The following TRIT1 variants were observed in gnomAD, a reference collection of about 807,000 sequenced individuals.
TRIT1 encodes the protein tRNA dimethylallyltransferase.
In TRIT1, 43 loss-of-function variants were observed where a neutral mutation model predicts 51.2. That is an observed-to-expected ratio of 0.84 (90% CI 0.66 to 1.08). The LOEUF is 1.08. TRIT1 is among the 50% of genes least tolerant of loss of function. The probability of loss-of-function intolerance (pLI) is 0.00; values close to 1 mark genes in which losing one functional copy is unlikely to be tolerated. For missense variants in TRIT1, 528 were observed against 578.4 expected (o/e 0.91, Z 0.89); for synonymous variants, 184 against 203.9 (o/e 0.90, Z 0.83).
chr1:39,846,170 T>G (rs1642211452), intron 8 of TRIT1, among the ~76,000 whole-genome samples: 1 of 152,148 alleles, frequency 6.6e-6, no homozygotes, highest in African/African-American at 2.4e-5. Context: ...ACAAGCCTCT[T>G]CACACCAGAA....
At chr1:39,848,143 CTACTATA>C in intron 5 of TRIT1, 46 bp from the exon 6 acceptor site, 1 of 1,391,632 alleles carries the variant, frequency 7.2e-7, no homozygotes, top group Non-Finnish European at 1.0e-6. Context: ...TTGTAGGTAC[CTACTATA>C]TACTTACATG....
Position 39,877,137 on chromosome 1 carries a change from A to G in TRIT1, c.174+6181T>C, listed in dbSNP as rs138456693. ...CATATCCCTCCCCCAAGCATCCCAT[A>G]TCTCCCTTGATCAGACAGTCTTTTG... On this transcript the variant is annotated intron_variant, in intron 1 of 10. Coordinates refer to ENST00000316891, the MANE Select transcript of TRIT1 (RefSeq NM_017646.6). Among the ~76,000 whole-genome samples the G allele has an allele frequency of 1.0e-3, 152 of 151,232 alleles. 4 individuals carry two copies. The East Asian group carries it at 0.025, about 24-fold the overall frequency.
chr1:39,858,095 C>T (rs958868331), intron 1 of TRIT1, among the ~76,000 whole-genome samples: 2 of 152,156 alleles, frequency 1.3e-5, no homozygotes, highest in Non-Finnish European at 2.9e-5. Flanking sequence ...TGTACTTTTT[C>T]TAAATGCAAG....
At chr1:39,868,974 C>T (rs1489794996) in intron 1 of TRIT1, among the ~76,000 whole-genome samples, 2 of 152,278 alleles carry the variant, frequency 1.3e-5, no homozygotes, top group South Asian at 2.1e-4. Flanking sequence ...GCAGGAGAAT[C>T]GCTTGAACCG....
At chr1:39,882,941 G>A (rs1644308738) in intron 1 of TRIT1, among the ~76,000 whole-genome samples, 1 of 152,066 alleles carries the variant, frequency 6.6e-6, no homozygotes, top group Non-Finnish European at 1.5e-5. Flanking sequence ...CAAAAGCTCT[G>A]GAATAATTTT....
At chr1:39,844,316 C>T (rs1309580590) in intron 9 of TRIT1, 98 bp from the exon 10 acceptor site, 1 of 1,106,544 alleles carries the variant, frequency 9.0e-7, no homozygotes, top group African/African-American at 1.6e-5. Flanking sequence ...TCCTTTTTCT[C>T]AACCCAGAGA....
At chr1:39,858,426 C>T (rs1248783350) in intron 1 of TRIT1, among the ~76,000 whole-genome samples, 1 of 152,170 alleles carries the variant, frequency 6.6e-6, no homozygotes, top group African/African-American at 2.4e-5. Flanking sequence ...GCCTCAATCT[C>T]TCATCAGTAA....
chr1:39,857,201 A>C (rs2124621840), intron 2 of TRIT1, 76 bp downstream of exon 2: 12 of 1,496,628 alleles, frequency 8.0e-6, no homozygotes, highest in Non-Finnish European at 9.0e-6. Flanking sequence ...AGAAATTGCC[A>C]CTAGAAAGAA....
At chr1:39,843,528 TTATACATGTGTGACA>T (rs1228759075) in intron 10 of TRIT1, among the ~76,000 whole-genome samples, 2 of 152,178 alleles carry the variant, frequency 1.3e-5, no homozygotes, top group African/African-American at 4.8e-5. Flanking sequence ...CTAACCTTCT[TTATACATGTGTGACA>T]GGCTTACTTT....
chr1:39,854,828 G>C (rs751723701), intron 2 of TRIT1, among the ~76,000 whole-genome samples: 1 of 151,814 alleles, frequency 6.6e-6, no homozygotes, highest in Non-Finnish European at 1.5e-5. Context: ...GCTTTAAGGC[G>C]GCCTTTGCTC....
intron 1 of TRIT1, among the ~76,000 whole-genome samples, chr1:39,880,345 A>G (rs916632624): frequency 6.7e-6 from 1 of 150,102 alleles, no homozygotes; most frequent in African/African-American, 2.4e-5. Flanking sequence ...TGAGTTGTTG[A>G]TATTTATTAT....
At chr1:39,854,147 T>A in intron 2 of TRIT1, 79 bp from the exon 3 acceptor site, 1 of 1,031,456 alleles carries the variant, frequency 9.7e-7, no homozygotes. Flanking sequence ...AGAAACCACA[T>A]TCATTTATCT....
chr1:39,843,779 T>C (rs1304290614), intron 10 of TRIT1, among the ~76,000 whole-genome samples: 1 of 152,012 alleles, frequency 6.6e-6, no homozygotes, highest in East Asian at 1.9e-4. Flanking sequence ...CCCACTGAAT[T>C]ATAAACATGA....
Position 39,848,077 on chromosome 1 carries a change from T to C in TRIT1, c.724A>G (p.Lys242Glu). Residue 242 changes from lysine (K) to glutamate (E), a missense_variant, in exon 6 of 11, where the codon AAG (lysine) becomes GAG (glutamate). Lys to Glu is a moderately conservative substitution (Grantham distance 56, BLOSUM62 1). Around this residue, in one of 3 missense-constraint regions of TRIT1, gnomAD observed 468 missense variants for 522.6 expected, o/e 0.90. Transcript: ENST00000316891. ...DQAVLDERLD[K>E]RVDDMLAAGL... is the part of the protein sequence containing the mutation. ...GCAGCAAGCATGTCATCCACCCTCT[T>C]ATCCAAGCGCTCATCTAGAACTTGA... 6.2e-7 allele frequency: 1 copy of C among 1,614,132 alleles called. No individual in the cohort carries two copies. Among genetic ancestry groups the C allele is most frequent in the Non-Finnish European group, 8.5e-7 (1 of 1,180,006 alleles).
At chr1:39,862,880 C>G (rs1643330941) in intron 1 of TRIT1, 1 of 985,298 alleles carries the variant, frequency 1.0e-6, no homozygotes, top group African/African-American at 1.7e-5. Context: ...TGTTATCTTT[C>G]AAAGACAGCA....
At chr1:39,876,944 A>C (rs1032047020) in intron 1 of TRIT1, among the ~76,000 whole-genome samples, 1 of 150,572 alleles carries the variant, frequency 6.6e-6, no homozygotes, top group Non-Finnish European at 1.5e-5. Flanking sequence ...AAAAAACAAA[A>C]AAAAAAGGAC....
chr1:39,846,532 CTG>C (rs1340097699), intron 8 of TRIT1, among the ~76,000 whole-genome samples: 2 of 152,120 alleles, frequency 1.3e-5, no homozygotes, highest in African/African-American at 4.8e-5. Context: ...AGTGTGGACT[CTG>C]TGTCAGGCCT....
In TRIT1 at chr1:39,880,794, G is replaced by A. The variant is rs145390725; in HGVS notation, c.174+2524C>T. The stretch of plus-strand genomic sequence containing the variant: ...AGCCTGGGCGACAGAGCAAGACTCC[G>A]TTTCAAAAAAAAAAAGAAAAGAAAA... On this transcript the variant is annotated intron_variant, in intron 1 of 10. Coordinates refer to ENST00000316891, the MANE Select transcript of TRIT1 (RefSeq NM_017646.6). Among the ~76,000 whole-genome samples, 414 of 145,086 alleles carry A rather than the reference G, an allele frequency of 2.9e-3. 2 individuals carry two copies. The highest frequency in any genetic ancestry group is 0.01 in the African/African-American group (399 of 38,688).
Position 39,840,988 on chromosome 1 carries a change from AAC to A in TRIT1, c.*754_*755del, listed in dbSNP as rs1159050120. 1 of 152,258 alleles carries A rather than the reference AAC, an allele frequency of 6.6e-6. No homozygotes were observed. Among genetic ancestry groups the A allele is most frequent in the African/African-American group, 2.4e-5 (1 of 41,464 alleles). 9.4% of individuals were successfully genotyped at this position (152,258 alleles called of 1,614,324 possible). A position where few individuals can be genotyped will look rare whatever the true frequency, so the allele number is the denominator to read the frequency against. On this transcript the variant is annotated 3_prime_UTR_variant, in exon 11 of 11. Transcript: ENST00000316891. ...TTTGAGAAAAAGCTATCACATTGAT[AAC>A]AGAGCATACTGTGTATAAACTAGGC...
Sources: allele counts gnomAD v4.1 joint callset (sites outside exome capture counted in the v4.1 genomes callset), GRCh38; gene constraint gnomAD v4.1.1; regional missense constraint gnomAD v4.1.1; transcripts MANE v1.5; gene names NCBI Gene and HGNC (gene_info 2026-07-23, HGNC 2026-07-21).